Variants in DNAJC5 observed in about 807,000 individuals in gnomAD.
The protein encoded by DNAJC5 is dnaJ homolog subfamily C member 5.
In DNAJC5, 1 loss-of-function variant was observed where a neutral mutation model predicts 23.2. That is an observed-to-expected ratio of 0.04 (90% CI 0.02 to 0.20). The LOEUF (loss-of-function observed/expected upper bound fraction) is 0.20. Among genes scored for constraint, DNAJC5 ranks in the 10% least tolerant of loss-of-function variants. The pLI is 1.00. For synonymous variants in DNAJC5, 136 were observed against 120.0 expected, an observed-to-expected ratio of 1.13 and a Z score of -0.87; for missense variants, 180 against 267.0, an observed-to-expected ratio of 0.67 and a Z score of 2.27.
chr20:63,915,060 G>A (rs927580594), intron 1 of DNAJC5, among the ~76,000 whole-genome samples: 2 of 152,146 alleles, frequency 1.3e-5, no homozygotes, highest in African/African-American at 4.8e-5. Flanking sequence ...AGAGGCACCT[G>A]TGGGTCCCAG....
chr20:63,917,202 G>A (rs1186437474), intron 1 of DNAJC5, among the ~76,000 whole-genome samples: 1 of 152,138 alleles, frequency 6.6e-6, no homozygotes, highest in Admixed American at 6.6e-5. Flanking sequence ...CGGTCCATCT[G>A]TTCAGGGTCC....
At chr20:63,923,034 A>G (rs573900895) in intron 1 of DNAJC5, among the ~76,000 whole-genome samples, 1 of 152,230 alleles carries the variant, frequency 6.6e-6, no homozygotes, top group Admixed American at 6.5e-5. Flanking sequence ...CCAGCTATTC[A>G]GGAGGCTACG....
intron 1 of DNAJC5, among the ~76,000 whole-genome samples, chr20:63,918,081 A>G (rs1207965663): frequency 1.3e-5 from 2 of 152,226 alleles, no homozygotes; most frequent in African/African-American, 4.8e-5. Flanking sequence ...ACAGAAGCTG[A>G]GAACAGCCCA....
intron 1 of DNAJC5, among the ~76,000 whole-genome samples, chr20:63,900,683 C>G (rs917898796): frequency 2.6e-5 from 4 of 150,994 alleles, no homozygotes; most frequent in African/African-American, 7.3e-5. Flanking sequence ...CATCATTCTA[C>G]ATTTTGCATG....
At chr20:63,914,676 C>T (rs576095796) in intron 1 of DNAJC5, among the ~76,000 whole-genome samples, 19 of 144,736 alleles carry the variant, frequency 1.3e-4, no homozygotes, top group East Asian at 4.2e-4. Context: ...AGTGTGGTGG[C>T]GTGATCTTGG....
At position 63,929,627 on chromosome 20, in the gene DNAJC5, C is replaced by T. The variant is rs926076708; in HGVS notation, c.321+102C>T. On this transcript the variant is annotated intron_variant, in intron 3 of 4. Transcript: ENST00000360864. This position sits in a 1 kb window ranked among gnomAD's most constrained non-coding sequence, Gnocchi z 8.6. ...GGGCACCCGAGTCACTCCTGCCGTGCGGGCACCCGAGTCTCTCCTGCCGTG... is the reference window on the plus strand; with the variant it reads ...GGGCACCCGAGTCACTCCTGCCGTGTGGGCACCCGAGTCTCTCCTGCCGTG... 152 of 1,164,508 alleles carry T rather than the reference C, an allele frequency of 1.3e-4. No homozygotes were observed. Among genetic ancestry groups the T allele is most frequent in the Middle Eastern group, 2.7e-4 (1 of 3,722 alleles). 72.1% of individuals were successfully genotyped at this position (1,164,508 alleles called of 1,614,324 possible). A position where few individuals can be genotyped will look rare whatever the true frequency, so the allele number is the denominator to read the frequency against.
intron 1 of DNAJC5, among the ~76,000 whole-genome samples, chr20:63,898,476 T>C (rs1384790246): frequency 1.3e-5 from 2 of 152,064 alleles, no homozygotes; most frequent in African/African-American, 4.8e-5. Context: ...AAATGGAACA[T>C]GGTGGCTAGC....
intron 1 of DNAJC5, among the ~76,000 whole-genome samples, chr20:63,914,074 C>A (rs1423838712): frequency 6.6e-6 from 1 of 152,144 alleles, no homozygotes; most frequent in Admixed American, 6.5e-5. Context: ...TAGTGAGAAG[C>A]CGGGACGCTC....
At chr20:63,913,294 T>C (rs1333211262) in intron 1 of DNAJC5, among the ~76,000 whole-genome samples, 2 of 152,158 alleles carry the variant, frequency 1.3e-5, no homozygotes, top group African/African-American at 4.8e-5. Flanking sequence ...ACCTGTTGTC[T>C]CCTTCCCTCT....
intron 1 of DNAJC5, among the ~76,000 whole-genome samples, chr20:63,926,811 C>T (rs571827910): frequency 6.6e-6 from 1 of 152,344 alleles, no homozygotes; most frequent in African/African-American, 2.4e-5. Flanking sequence ...TCAGGTGCTG[C>T]TCTTACCAAG....
At chr20:63,900,366 C>T (rs1016783931) in intron 1 of DNAJC5, among the ~76,000 whole-genome samples, 16 of 151,798 alleles carry the variant, frequency 1.1e-4, no homozygotes, top group Admixed American at 3.3e-4. Context: ...TTGCTAGAGT[C>T]CAGAAGTGAA....
chr20:63,920,234 C>T lies in DNAJC5; in HGVS notation c.-11-8101C>T, dbSNP rs1295251022. Among the ~76,000 whole-genome samples, 2 of 152,232 alleles carry T rather than the reference C, an allele frequency of 1.3e-5. No individual in the cohort carries two copies. The highest frequency in any genetic ancestry group is 6.5e-5 in the Admixed American group (1 of 15,286). On this transcript the variant is annotated intron_variant, in intron 1 of 4. Coordinates refer to ENST00000360864, the MANE Select transcript of DNAJC5 (RefSeq NM_025219.3). The surrounding 1 kb of genome is among the most constrained non-coding windows in gnomAD (Gnocchi z 4.6). ...GCTCTGGGGTCTGAGTGAGGGCTCTCCAGCCAGCAGGGAGCAGGGCAGGGT... is the reference window on the plus strand; with the variant it reads ...GCTCTGGGGTCTGAGTGAGGGCTCTTCAGCCAGCAGGGAGCAGGGCAGGGT...
rs747892660 is a variant in DNAJC5 at position 63,929,384 on chromosome 20, C to G, written c.180C>G (p.Ile60Met). The change falls in exon 3 of 5, where the codon ATC becomes ATG. Residue 60 changes from isoleucine to methionine, a missense_variant. By Grantham distance (10) the Ile-to-Met change is conservative. Around this residue, in one of 3 missense-constraint regions of DNAJC5, gnomAD observed 77 missense variants for 106.8 expected, o/e 0.72. Transcript: ENST00000360864. The surrounding 1 kb of genome is among the most constrained non-coding windows in gnomAD (Gnocchi z 8.6). ...NPEAADKFKE[I>M]NNAHAILTDA... is the part of the protein sequence containing the mutation. ...AGGCCGCGGACAAGTTTAAGGAGATCAACAACGCGCACGCCATCCTCACGG... is the reference window on the plus strand; with the variant it reads ...AGGCCGCGGACAAGTTTAAGGAGATGAACAACGCGCACGCCATCCTCACGG... 1.9e-6 allele frequency: 3 copies of G among 1,614,048 alleles called. No homozygotes were observed. Among genetic ancestry groups the G allele is most frequent in the Non-Finnish European group, 2.5e-6 (3 of 1,180,052 alleles).
chr20:63,918,657 G>A (rs1234894937), intron 1 of DNAJC5, among the ~76,000 whole-genome samples: 6 of 152,266 alleles, frequency 3.9e-5, no homozygotes, highest in East Asian at 1.9e-4. Flanking sequence ...GTGCAGTGGC[G>A]CGATCTCGGC....
intron 1 of DNAJC5, among the ~76,000 whole-genome samples, chr20:63,901,550 C>T (rs991177840): frequency 6.6e-6 from 1 of 152,266 alleles, no homozygotes; most frequent in African/African-American, 2.4e-5. Flanking sequence ...GCGCGCTCCA[C>T]ATCAGTCTCA....
chr20:63,927,245 T>G (rs1342410240), intron 1 of DNAJC5, among the ~76,000 whole-genome samples: 2 of 152,116 alleles, frequency 1.3e-5, no homozygotes, highest in Non-Finnish European at 2.9e-5. Flanking sequence ...TGCCAGGCGC[T>G]GTGGCTCACA....
At chr20:63,913,998 C>CT (rs1201613013) in intron 1 of DNAJC5, among the ~76,000 whole-genome samples, 1 of 152,206 alleles carries the variant, frequency 6.6e-6, no homozygotes, top group Admixed American at 6.5e-5. Context: ...GGCAGTGTCT[C>CT]TTGAGGCCAC....
At position 63,931,230 on chromosome 20, in the gene DNAJC5, T is replaced by A; in HGVS notation, c.493+208T>A. 1.3e-6 allele frequency: 1 copy of A among 790,428 alleles called. No homozygotes were observed. The highest frequency in any genetic ancestry group is 2.1e-6 in the Non-Finnish European group (1 of 466,996). The allele number at this position is 790,428 out of a possible 1,614,324, so 49.0% of individuals were successfully genotyped here. A position where few individuals can be genotyped will look rare whatever the true frequency, so the allele number is the denominator to read the frequency against. On this transcript the variant is annotated intron_variant, in intron 4 of 4. Transcript: ENST00000360864. This position sits in a 1 kb window ranked among gnomAD's most constrained non-coding sequence, Gnocchi z 9.6. Reference sequence around the variant, plus strand: ...TCCCCGCCGTGACCTGCGGTAGCCGTAGATCCCAGGGACTGCGAGGCGGGG... The same window carrying A: ...TCCCCGCCGTGACCTGCGGTAGCCGAAGATCCCAGGGACTGCGAGGCGGGG...
chr20:63,919,093 A>C (rs2053540391), intron 1 of DNAJC5, among the ~76,000 whole-genome samples: 1 of 152,204 alleles, frequency 6.6e-6, no homozygotes, highest in African/African-American at 2.4e-5. Context: ...TTGCACCTGG[A>C]AGTACAGAAA....
Sources: allele counts gnomAD v4.1 joint callset (sites outside exome capture counted in the v4.1 genomes callset), GRCh38; gene constraint gnomAD v4.1.1; regional missense constraint gnomAD v4.1.1; non-coding constraint Gnocchi (gnomAD v3.1); transcripts MANE v1.5; gene names NCBI Gene and HGNC (gene_info 2026-07-23, HGNC 2026-07-21).